Variants in TSGA10 observed in about 807,000 individuals in gnomAD.
The protein encoded by TSGA10 is testis-specific gene 10 protein.
A neutral mutation model predicts 96.6 loss-of-function variants in TSGA10; 43 were observed. That is an observed-to-expected ratio of 0.44 (90% confidence interval 0.35 to 0.57). The LOEUF (loss-of-function observed/expected upper bound fraction) is 0.57. TSGA10 is among the 20% of genes least tolerant of loss of function. TSGA10 has a pLI of 0.01. For synonymous variants in TSGA10, 229 were observed against 269.9 expected (o/e 0.85, Z 1.48); for missense variants, 703 against 834.4 (o/e 0.84, Z 1.94).
At position 99,091,423 on chromosome 2, in the gene TSGA10, A is replaced by G. The variant is rs867159660; in HGVS notation, c.612-10026T>C. Reference sequence around the variant, plus strand: ...AAATACCAAGGTATTCAGGCAGTAAATAGCACAATGAATAGAATAGTGTGT... The same window carrying G: ...AAATACCAAGGTATTCAGGCAGTAAGTAGCACAATGAATAGAATAGTGTGT... On this transcript the variant is annotated intron_variant, in intron 10 of 20. Transcript: ENST00000393483. Among the ~76,000 whole-genome samples the G allele has an allele frequency of 1.3e-4, 20 of 152,292 alleles. 1 individual carries two copies. In the South Asian group the frequency reaches 3.7e-3, roughly 28 times the overall value.
chr2:99,101,126 G>A (rs997397618), intron 10 of TSGA10, among the ~76,000 whole-genome samples: 37 of 150,326 alleles, frequency 2.5e-4, no homozygotes, highest in Non-Finnish European at 4.7e-4. Context: ...TCAGCCGGGC[G>A]TGGTGGCGGG....
chr2:99,129,906 T>G (rs1476501522), intron 1 of TSGA10, among the ~76,000 whole-genome samples: 1 of 152,134 alleles, frequency 6.6e-6, no homozygotes, highest in East Asian at 1.9e-4. Context: ...TCTGTTCTTG[T>G]GTTAGTTTGC....
intron 17 of TSGA10, among the ~76,000 whole-genome samples, chr2:99,023,444 T>C (rs2080231961): frequency 6.6e-6 from 1 of 152,166 alleles, no homozygotes; most frequent in African/African-American, 2.4e-5. Context: ...ATCTATTTTT[T>C]TTGTTTGTGT....
intron 16 of TSGA10, among the ~76,000 whole-genome samples, chr2:99,038,186 C>G (rs996119400): frequency 6.6e-6 from 1 of 151,964 alleles, no homozygotes; most frequent in African/African-American, 2.4e-5. Flanking sequence ...TTGAAATACA[C>G]CAAAATAGAA....
chr2:99,102,001 C>T (rs2090811411), intron 10 of TSGA10: 8 of 1,097,342 alleles, frequency 7.3e-6, no homozygotes, highest in Non-Finnish European at 1.1e-5. Flanking sequence ...CCGGATTATA[C>T]ACTTAAAATT....
At chr2:99,083,431 AAC>A (rs2087795993) in intron 10 of TSGA10, among the ~76,000 whole-genome samples, 1 of 152,162 alleles carries the variant, frequency 6.6e-6, no homozygotes, top group South Asian at 2.1e-4. Flanking sequence ...GGAAAACAAA[AAC>A]AGAGACATGA....
intron 2 of TSGA10, among the ~76,000 whole-genome samples, chr2:99,120,056 C>G (rs1353766225): frequency 6.6e-6 from 1 of 152,054 alleles, no homozygotes; most frequent in Non-Finnish European, 1.5e-5. Flanking sequence ...AAGTTTATCT[C>G]AATATTTTAT....
chr2:99,050,753 CAA>C (rs1355543202), intron 16 of TSGA10, among the ~76,000 whole-genome samples: 1 of 151,932 alleles, frequency 6.6e-6, no homozygotes, highest in Non-Finnish European at 1.5e-5. Flanking sequence ...AATAGAGGAA[CAA>C]AAAGGCATAA....
intron 20 of TSGA10, among the ~76,000 whole-genome samples, chr2:99,008,011 A>G (rs930020579): frequency 5.9e-5 from 9 of 152,254 alleles, no homozygotes; most frequent in African/African-American, 2.2e-4. Context: ...GTCAGTTGGA[A>G]AAAGATAAAA....
At chr2:99,123,536 A>G (rs1240312175) in intron 2 of TSGA10, among the ~76,000 whole-genome samples, 1 of 152,184 alleles carries the variant, frequency 6.6e-6, no homozygotes, top group Non-Finnish European at 1.5e-5. Context: ...GTCACAAAAT[A>G]TATATACATA....
At chr2:99,059,603 C>T (rs553455954) in intron 16 of TSGA10, among the ~76,000 whole-genome samples, 1 of 151,728 alleles carries the variant, frequency 6.6e-6, no homozygotes, top group African/African-American at 2.4e-5. Context: ...CACGCCACTG[C>T]ACACCAGCCT....
intron 2 of TSGA10, among the ~76,000 whole-genome samples, chr2:99,120,407 T>C (rs2092509308): frequency 6.6e-6 from 1 of 152,058 alleles, no homozygotes; most frequent in Non-Finnish European, 1.5e-5. Context: ...AGTTATGTAA[T>C]TGGGGAATTT....
intron 16 of TSGA10, among the ~76,000 whole-genome samples, chr2:99,036,896 G>A (rs1380255814): frequency 6.6e-6 from 1 of 152,102 alleles, no homozygotes; most frequent in African/African-American, 2.4e-5. Context: ...CATAATGATT[G>A]TAAAAAGTTA....
chr2:99,097,614 A>G (rs1324739853), intron 10 of TSGA10, among the ~76,000 whole-genome samples: 1 of 152,176 alleles, frequency 6.6e-6, no homozygotes, highest in Non-Finnish European at 1.5e-5. Flanking sequence ...GAAAACAATA[A>G]AATGATTTTT....
chr2:99,092,991 C>T (rs2089535804), intron 10 of TSGA10, among the ~76,000 whole-genome samples: 1 of 151,964 alleles, frequency 6.6e-6, no homozygotes, highest in African/African-American at 2.4e-5. Flanking sequence ...AATATAGATG[C>T]AAAAATCCTT....
chr2:99,137,964 T>G (rs543004755), intron 1 of TSGA10, among the ~76,000 whole-genome samples: 1 of 151,440 alleles, frequency 6.6e-6, no homozygotes, highest in East Asian at 1.9e-4. Flanking sequence ...TTGCCCCTTC[T>G]AACATATGAG....
At chr2:99,073,229 A>G (rs2086192346) in intron 12 of TSGA10, among the ~76,000 whole-genome samples, 156 bp from the exon 13 acceptor site, 1 of 152,250 alleles carries the variant, frequency 6.6e-6, no homozygotes, top group Non-Finnish European at 1.5e-5. Flanking sequence ...AAAGCCTAGT[A>G]TATCAATGTG....
intron 1 of TSGA10, among the ~76,000 whole-genome samples, chr2:99,149,758 AG>A (rs2093671886): frequency 7.1e-6 from 1 of 140,256 alleles, no homozygotes; most frequent in African/African-American, 2.6e-5. Context: ...CTCTTTTTAC[AG>A]ACTAGACATC....
chr2:99,019,639 G>C (rs1013708531), intron 18 of TSGA10, among the ~76,000 whole-genome samples: 1 of 152,126 alleles, frequency 6.6e-6, no homozygotes, highest in Non-Finnish European at 1.5e-5. Context: ...GATGAAAAGT[G>C]TTACAGATGG....
Sources: allele counts gnomAD v4.1 joint callset (sites outside exome capture counted in the v4.1 genomes callset), GRCh38; gene constraint gnomAD v4.1.1; transcripts MANE v1.5; gene names NCBI Gene and HGNC (gene_info 2026-07-23, HGNC 2026-07-21).